Variants in MED12L observed in about 807,000 individuals in gnomAD.
MED12L encodes mediator of RNA polymerase II transcription subunit 12-like protein.
A neutral mutation model predicts 281.3 loss-of-function variants in MED12L; 60 were observed. That is an observed-to-expected ratio of 0.21 (90% CI 0.17 to 0.26). The LOEUF (loss-of-function observed/expected upper bound fraction) is 0.26. MED12L is among the 10% of genes least tolerant of loss of function. MED12L has a pLI of 1.00. For missense variants in MED12L, 2,146 were observed against 2,680.9 expected, an observed-to-expected ratio of 0.80 and a Z score of 4.41; for synonymous variants, 974 against 987.2, an observed-to-expected ratio of 0.99 and a Z score of 0.25.
chr3:151,114,231 G>A (rs1382923045), intron 2 of MED12L, among the ~76,000 whole-genome samples: 1 of 152,122 alleles, frequency 6.6e-6, no homozygotes, highest in East Asian at 1.9e-4. Context: ...TAATGTACAC[G>A]TAACTCATAT....
chr3:151,420,986 G>A (rs940849529), intron 43 of MED12L, among the ~76,000 whole-genome samples: 1 of 152,196 alleles, frequency 6.6e-6, no homozygotes. Flanking sequence ...GTAGCTGGCT[G>A]ATCACCCTGA....
At chr3:151,261,585 A>T (rs913971088) in intron 16 of MED12L, 2 of 152,338 alleles carry the variant, frequency 1.3e-5, no homozygotes, top group Middle Eastern at 6.8e-3. Flanking sequence ...GGCCTGGATC[A>T]GCATGACCTG....
chr3:151,412,008 T>A (rs1716995743), intron 41 of MED12L, among the ~76,000 whole-genome samples: 1 of 152,228 alleles, frequency 6.6e-6, no homozygotes. Flanking sequence ...ATGATAGACT[T>A]TTTTCTGTTC....
chr3:151,211,801 C>T (rs371770515), intron 16 of MED12L, among the ~76,000 whole-genome samples: 3 of 152,252 alleles, frequency 2.0e-5, no homozygotes, highest in South Asian at 2.1e-4. Context: ...GCGTATGCCA[C>T]GACGCCTGGC....
intron 16 of MED12L, among the ~76,000 whole-genome samples, chr3:151,312,363 G>A (rs1400768238): frequency 6.6e-6 from 1 of 152,176 alleles, no homozygotes; most frequent in Non-Finnish European, 1.5e-5. Flanking sequence ...CAAGTATTCT[G>A]TTAACTTTTT....
chr3:151,248,146 A>G (rs763917648), intron 16 of MED12L, among the ~76,000 whole-genome samples: 1 of 151,922 alleles, frequency 6.6e-6, no homozygotes, highest in Non-Finnish European at 1.5e-5. Context: ...AATGCTATGA[A>G]TGTTTGTTAT....
At chr3:151,092,293 AAT>A (rs1233217195) in intron 2 of MED12L, among the ~76,000 whole-genome samples, 1 of 152,124 alleles carries the variant, frequency 6.6e-6, no homozygotes, top group Non-Finnish European at 1.5e-5. Flanking sequence ...TCCCTGAGTT[AAT>A]ATGTTTTGTA....
At chr3:151,371,910 T>C (rs1577477914) in intron 26 of MED12L, among the ~76,000 whole-genome samples, 1 of 152,356 alleles carries the variant, frequency 6.6e-6, no homozygotes, top group East Asian at 1.9e-4. Flanking sequence ...GAAAACACTT[T>C]CCTTAGCTTC....
chr3:151,104,638 A>G (rs752441921), intron 2 of MED12L, among the ~76,000 whole-genome samples: 10 of 152,228 alleles, frequency 6.6e-5, no homozygotes, highest in South Asian at 2.1e-4. Context: ...CCCTACCTGT[A>G]TGTTTTCATT....
intron 26 of MED12L, among the ~76,000 whole-genome samples, chr3:151,371,374 AT>A (rs1038822133): frequency 2.6e-5 from 4 of 152,232 alleles, no homozygotes. Flanking sequence ...TACTTGCAGA[AT>A]TTAGTCTTTT....
intron 16 of MED12L, among the ~76,000 whole-genome samples, chr3:151,334,257 TAAA>T (rs63180861): frequency 7.2e-6 from 1 of 138,390 alleles, no homozygotes; most frequent in Non-Finnish European, 1.6e-5. Context: ...TTGCCCCATT[TAAA>T]AAAAAAAGGC....
intron 16 of MED12L, among the ~76,000 whole-genome samples, chr3:151,242,139 G>C (rs937205303): frequency 6.6e-6 from 1 of 152,132 alleles, no homozygotes; most frequent in Non-Finnish European, 1.5e-5. Flanking sequence ...ATGGAGTCTC[G>C]CTGATTGCTA....
intron 43 of MED12L, among the ~76,000 whole-genome samples, chr3:151,420,556 T>C (rs978396399): frequency 2.0e-5 from 3 of 152,242 alleles, no homozygotes; most frequent in Non-Finnish European, 4.4e-5. Context: ...GGAGAAACAG[T>C]ACTATATATT....
intron 43 of MED12L, among the ~76,000 whole-genome samples, chr3:151,417,487 C>CTTTTTTTTT (rs56128844): frequency 2.5e-5 from 2 of 78,818 alleles, no homozygotes; most frequent in Admixed American, 1.7e-4. Context: ...CCCCCCCCGC[C>CTTTTTTTTT]TTTTTTTTTT....
At chr3:151,404,187 AT>A (rs1396309904) in intron 39 of MED12L, among the ~76,000 whole-genome samples, 1 of 152,314 alleles carries the variant, frequency 6.6e-6, no homozygotes, top group Non-Finnish European at 1.5e-5. Context: ...AGTAATGAAA[AT>A]GTGTATTTTT....
At chr3:151,110,559 A>T (rs563621325) in intron 2 of MED12L, among the ~76,000 whole-genome samples, 1 of 152,126 alleles carries the variant, frequency 6.6e-6, no homozygotes, top group Non-Finnish European at 1.5e-5. Context: ...ATCAAGGTGC[A>T]TTTTTTTGGT....
chr3:151,164,299 G>C lies in MED12L; in HGVS notation c.1257+257G>C, dbSNP rs571329631. On this transcript the variant is annotated intron_variant, in intron 9 of 44. Transcript: ENST00000687756. ...CTGCCACCCAGACTGTAATTATGGT[G>C]GTGGTTCTAATACATGACCATGACT... Among the ~76,000 whole-genome samples the C allele has an allele frequency of 3.3e-5, 5 of 152,216 alleles. No individual in the cohort carries two copies. In the South Asian group the frequency reaches 8.3e-4, roughly 25 times the overall value.
At chr3:151,238,815 A>G (rs1346002414) in intron 16 of MED12L, among the ~76,000 whole-genome samples, 1 of 152,238 alleles carries the variant, frequency 6.6e-6, no homozygotes, top group East Asian at 1.9e-4. Context: ...TGTATAAAGT[A>G]CATTTGCTAC....
At chr3:151,179,733 C>T (rs961447597) in intron 11 of MED12L, among the ~76,000 whole-genome samples, 14 of 152,336 alleles carry the variant, frequency 9.2e-5, no homozygotes, top group African/African-American at 3.1e-4. Context: ...TTGGAAGCCT[C>T]TGCCATCTGC....
Sources: allele counts gnomAD v4.1 joint callset (sites outside exome capture counted in the v4.1 genomes callset), GRCh38; gene constraint gnomAD v4.1.1; transcripts MANE v1.5; gene names NCBI Gene and HGNC (gene_info 2026-07-23, HGNC 2026-07-21).